The following NRG2 variants were observed in gnomAD, a reference collection of about 807,000 sequenced individuals.
NRG2 encodes pro-neuregulin-2, membrane-bound isoform.
Under a neutral mutation model 73.9 loss-of-function variants are expected in NRG2, and 27 were observed. That is an observed-to-expected ratio of 0.37 (90% CI 0.27 to 0.50). The LOEUF (loss-of-function observed/expected upper bound fraction) is 0.50, where lower values mean the gene tolerates loss of function less well. Ranked by LOEUF, NRG2 falls within the 20% of genes least tolerant of loss-of-function variation. NRG2 has a pLI of 0.96. For synonymous variants in NRG2, 532 were observed against 541.0 expected, an observed-to-expected ratio of 0.98 and a Z score of 0.23; for missense variants, 1,126 against 1,210.1, an observed-to-expected ratio of 0.93 and a Z score of 1.03.
Position 139,867,396 on chromosome 5 carries a change from T to C in NRG2, c.1113-1771A>G, listed in dbSNP as rs1762531184. On this transcript the variant is annotated intron_variant, in intron 4 of 9. Coordinates refer to ENST00000361474, the MANE Select transcript of NRG2 (RefSeq NM_004883.3). ...GGAAGTGGCATGGGTGGGAAGAGGG[T>C]ACATGGTCGTCTTACTGAACAGGGT... is the stretch of plus-strand genomic sequence containing the variant. Among the ~76,000 whole-genome samples, 3 of 151,730 alleles carry C rather than the reference T, an allele frequency of 2.0e-5. No individual in the cohort carries two copies. In the South Asian group the frequency reaches 6.2e-4, roughly 32 times the overall value.
chr5:139,849,924 T>C (rs894591146), intron 9 of NRG2, among the ~76,000 whole-genome samples: 1 of 152,196 alleles, frequency 6.6e-6, no homozygotes, highest in Non-Finnish European at 1.5e-5. Context: ...GGTCTTCCTG[T>C]TTACCCACCC....
chr5:139,995,564 G>A (rs1203367910), intron 1 of NRG2, among the ~76,000 whole-genome samples: 1 of 152,146 alleles, frequency 6.6e-6, no homozygotes, highest in East Asian at 1.9e-4. Flanking sequence ...GAGCGGGCAG[G>A]CTCCCCAGTA....
chr5:139,851,554 G>C lies in NRG2; in HGVS notation c.1772+50C>G. Reference sequence around the variant, plus strand: ...CCTAAGGGTCAGCCTTGGGCCAGTGGTGCCAGCCCTCTGGCTAAGCGGGGA... The same window carrying C: ...CCTAAGGGTCAGCCTTGGGCCAGTGCTGCCAGCCCTCTGGCTAAGCGGGGA... On this transcript the variant is annotated intron_variant, in intron 9 of 9. Transcript: ENST00000361474. This position sits in a 1 kb window ranked among gnomAD's most constrained non-coding sequence, Gnocchi z 4.2. 8.9e-6 allele frequency: 14 copies of C among 1,575,462 alleles called. No individual in the cohort carries two copies. Among genetic ancestry groups the C allele is most frequent in the African/African-American group, 1.3e-5 (1 of 74,382 alleles).
chr5:139,970,338 CT>C (rs1755872609), intron 1 of NRG2, among the ~76,000 whole-genome samples: 1 of 152,106 alleles, frequency 6.6e-6, no homozygotes, highest in African/African-American at 2.4e-5. Flanking sequence ...TGGATAAGGT[CT>C]GGGTACAGGA....
chr5:139,850,083 C>T (rs745896041), intron 9 of NRG2, among the ~76,000 whole-genome samples: 8 of 152,248 alleles, frequency 5.3e-5, no homozygotes, highest in Non-Finnish European at 8.8e-5. Flanking sequence ...GCCTAGAATG[C>T]TTTTCTTCCT....
chr5:139,934,296 C>T (rs984939302), intron 1 of NRG2, among the ~76,000 whole-genome samples: 4 of 152,072 alleles, frequency 2.6e-5, no homozygotes, highest in Admixed American at 2.0e-4. Context: ...GCAAAAATAA[C>T]AATGTATTGT....
intron 1 of NRG2, among the ~76,000 whole-genome samples, chr5:139,986,687 T>C (rs1757195874): frequency 6.6e-6 from 1 of 152,192 alleles, no homozygotes; most frequent in Admixed American, 6.5e-5. Context: ...ATGTTCCATA[T>C]CTGGGTTGTC....
intron 1 of NRG2, among the ~76,000 whole-genome samples, chr5:140,004,564 T>A (rs1355059238): frequency 6.6e-6 from 1 of 152,188 alleles, no homozygotes; most frequent in Non-Finnish European, 1.5e-5. Flanking sequence ...AAGGCATAAG[T>A]TCACTTCAAT....
intron 1 of NRG2, among the ~76,000 whole-genome samples, chr5:139,957,691 C>T (rs763171273): frequency 3.3e-4 from 51 of 152,282 alleles, no homozygotes; most frequent in South Asian, 6.2e-4. Context: ...CAGGTGGTGA[C>T]GTGCAGGTAT....
chr5:139,913,945 G>A (rs539050281), intron 1 of NRG2, among the ~76,000 whole-genome samples: 3 of 152,252 alleles, frequency 2.0e-5, no homozygotes, highest in Admixed American at 2.0e-4. Flanking sequence ...TTGAGCCCAG[G>A]AGTTTGAGAT....
intron 1 of NRG2, among the ~76,000 whole-genome samples, chr5:139,899,059 T>C (rs896949949): frequency 8.5e-5 from 13 of 152,220 alleles, no homozygotes; most frequent in African/African-American, 2.2e-4. Context: ...AGCCTTGTAA[T>C]TGAAATTAGG....
intron 1 of NRG2, among the ~76,000 whole-genome samples, chr5:139,969,613 C>T (rs1372087469): frequency 6.6e-6 from 1 of 152,226 alleles, no homozygotes; most frequent in Non-Finnish European, 1.5e-5. Flanking sequence ...TCCCTGTCTC[C>T]TTACCTTCCT....
chr5:139,899,077 G>C (rs1048078345), intron 1 of NRG2, among the ~76,000 whole-genome samples: 15 of 152,144 alleles, frequency 9.9e-5, no homozygotes, highest in African/African-American at 3.6e-4. Flanking sequence ...AGGTCTGTTC[G>C]TGTCTATCTC....
At chr5:139,945,022 A>G (rs545367527) in intron 1 of NRG2, among the ~76,000 whole-genome samples, 1 of 152,120 alleles carries the variant, frequency 6.6e-6, no homozygotes, top group East Asian at 1.9e-4. Flanking sequence ...AGGATTTTTC[A>G]TATATTGTGT....
At chr5:140,022,947 C>T (rs1760357341) in intron 1 of NRG2, among the ~76,000 whole-genome samples, 1 of 152,160 alleles carries the variant, frequency 6.6e-6, no homozygotes, top group African/African-American at 2.4e-5. Flanking sequence ...TTCATGCCTG[C>T]TACTCAGCTC....
chr5:139,877,050 G>A (rs931175715), intron 3 of NRG2, among the ~76,000 whole-genome samples: 2 of 151,876 alleles, frequency 1.3e-5, no homozygotes, highest in African/African-American at 4.8e-5. Context: ...GACACCCCAG[G>A]TCAAACCTGC....
intron 1 of NRG2, among the ~76,000 whole-genome samples, chr5:140,010,422 C>T (rs265157): frequency 0.84 from 127,265 of 152,176 alleles, 53,545 homozygotes; most frequent in African/African-American, 0.93. Context: ...GTGATAATGG[C>T]GTGTCAATGT....
intron 1 of NRG2, among the ~76,000 whole-genome samples, chr5:139,927,725 T>G (rs1030761390): frequency 6.7e-5 from 10 of 149,410 alleles, no homozygotes; most frequent in African/African-American, 2.5e-4. Context: ...GATCGCACTG[T>G]TGCACTCCAG....
At chr5:139,885,884 T>G (rs574416224) in intron 2 of NRG2, among the ~76,000 whole-genome samples, 139 of 152,062 alleles carry the variant, frequency 9.1e-4, no homozygotes, top group African/African-American at 3.3e-3. Flanking sequence ...AACCATCTTC[T>G]AGAAAGAAAG....
Sources: allele counts gnomAD v4.1 joint callset (sites outside exome capture counted in the v4.1 genomes callset), GRCh38; gene constraint gnomAD v4.1.1; non-coding constraint Gnocchi (gnomAD v3.1); transcripts MANE v1.5; gene names NCBI Gene and HGNC (gene_info 2026-07-23, HGNC 2026-07-21).